Variants in TMEM30A observed in about 807,000 individuals in gnomAD.
TMEM30A encodes cell division cycle 50 P4-ATPase accessory subunit A, also known as cell cycle control protein 50A.
TMEM30A carries 24 observed loss-of-function variants against 38.2 expected under a neutral mutation model. The observed-to-expected ratio is 0.63, with a 90% CI of 0.46 to 0.88. TMEM30A has a LOEUF of 0.88. TMEM30A is among the 40% of genes least tolerant of loss of function. The pLI, the probability that TMEM30A is intolerant of heterozygous loss-of-function variation, is 0.00. For missense variants in TMEM30A, 370 were observed against 458.6 expected (o/e 0.81, Z 1.77); for synonymous variants, 145 against 161.6 (o/e 0.90, Z 0.78).
chr6:75,259,037 T>C, intron 5 of TMEM30A, 51 bp from the exon 6 acceptor site: 1 of 1,482,456 alleles, frequency 6.7e-7, no homozygotes, highest in Non-Finnish European at 9.3e-7. Context: ...CATTGTGAAA[T>C]TAAAGTGGCG....
At chr6:75,279,827 A>T (rs924501424) in intron 1 of TMEM30A, among the ~76,000 whole-genome samples, 3 of 152,234 alleles carry the variant, frequency 2.0e-5, no homozygotes, top group Admixed American at 2.0e-4. Context: ...TAGGAAAACG[A>T]CTGGAAAACT....
intron 3 of TMEM30A, among the ~76,000 whole-genome samples, chr6:75,264,383 C>T (rs1772026703): frequency 2.0e-5 from 3 of 152,168 alleles, no homozygotes; most frequent in Admixed American, 6.5e-5. Context: ...AGCCTGTAAT[C>T]CCAGCACTTT....
intron 3 of TMEM30A, among the ~76,000 whole-genome samples, chr6:75,262,471 C>T (rs1031539653): frequency 2.6e-5 from 4 of 152,040 alleles, no homozygotes; most frequent in Admixed American, 2.0e-4. Flanking sequence ...GGTGAAACCA[C>T]GTCTCTACTA....
At position 75,259,357 on chromosome 6, in the gene TMEM30A, T is replaced by C; in HGVS notation, c.675A>G (p.Glu225=). The change falls in exon 5 of 7, where the codon GAA becomes GAG. Residue 225 remains glutamate (E), a synonymous_variant. Transcript: ENST00000230461. The stretch of plus-strand genomic sequence containing the variant: ...TTAGTAATGTTTTACCTTTAAATCG[T>C]TCTTCCAGGTTGTCTCCTCCAGGGG... ...RNPPGGDNLE[E]RFKGTTKPVN... 6.2e-7 allele frequency: 1 copy of C among 1,610,868 alleles called. No individual in the cohort carries two copies.
chr6:75,263,302 G>A (rs905291615), intron 3 of TMEM30A, among the ~76,000 whole-genome samples: 14 of 152,294 alleles, frequency 9.2e-5, no homozygotes, highest in African/African-American at 3.1e-4. Context: ...AGAGGATTAC[G>A]CATAGCTCAG....
chr6:75,267,990 T>C (rs910629599), intron 1 of TMEM30A, among the ~76,000 whole-genome samples: 2 of 152,188 alleles, frequency 1.3e-5, no homozygotes, highest in Non-Finnish European at 2.9e-5. Context: ...CAAAGAAATA[T>C]ATTTATGCAT....
At chr6:75,256,893 G>T in intron 6 of TMEM30A, 1 of 384,566 alleles carries the variant, frequency 2.6e-6, no homozygotes, top group Admixed American at 3.1e-5. Context: ...TTAGGAAACA[G>T]GGCACCAGTG....
At chr6:75,264,387 G>A (rs1335347853) in intron 3 of TMEM30A, among the ~76,000 whole-genome samples, 3 of 152,136 alleles carry the variant, frequency 2.0e-5, no homozygotes, top group African/African-American at 4.8e-5. Context: ...TGTAATCCCA[G>A]CACTTTGGAA....
chr6:75,265,121 C>T, intron 3 of TMEM30A, 110 bp downstream of exon 3: 1 of 700,808 alleles, frequency 1.4e-6, no homozygotes, highest in Non-Finnish European at 2.2e-6. Flanking sequence ...CCTCACTATA[C>T]AAACTATAAA....
intron 6 of TMEM30A, among the ~76,000 whole-genome samples, chr6:75,256,553 A>G (rs418485): frequency 0.92 from 139,322 of 152,052 alleles, 64,050 homozygotes; most frequent in East Asian, 0.98. Flanking sequence ...GTAGTTTCTC[A>G]GGTGCTTTTG....
chr6:75,277,801 G>A (rs1465417956), intron 1 of TMEM30A, among the ~76,000 whole-genome samples: 1 of 152,194 alleles, frequency 6.6e-6, no homozygotes, highest in Non-Finnish European at 1.5e-5. Context: ...AGTTACTCAA[G>A]AGGCTGAGGT....
intron 1 of TMEM30A, among the ~76,000 whole-genome samples, chr6:75,282,520 A>C (rs528016419): frequency 6.6e-6 from 1 of 152,194 alleles, no homozygotes; most frequent in South Asian, 2.1e-4. Context: ...TATCTTAAGA[A>C]GTTTAAATAA....
chr6:75,276,513 G>A (rs751371924), intron 1 of TMEM30A, among the ~76,000 whole-genome samples: 2 of 152,016 alleles, frequency 1.3e-5, no homozygotes, highest in Non-Finnish European at 2.9e-5. Flanking sequence ...GCTGTGTGCT[G>A]GAGAATCTGG....
chr6:75,267,718 G>A lies in TMEM30A; in HGVS notation c.268C>T (p.Pro90Ser). The A allele has an allele frequency of 1.2e-6, 2 of 1,610,634 alleles. No homozygotes were observed. Among genetic ancestry groups the A allele is most frequent in the Non-Finnish European group, 1.7e-6 (2 of 1,178,512 alleles). Residue 90 changes from proline (P) to serine (S), a missense_variant, in exon 2 of 7, where the codon CCC becomes TCC. By Grantham distance (74) the Pro-to-Ser change is moderately conservative. Transcript: ENST00000230461. ...IDYTGTEPSS[P>S]CNKCLSPDVT... ...TCCGGAGATAAACATTTATTACAGG[G>A]ACTGGAAGGCTCTGTTCCGGTATAA...
intron 3 of TMEM30A, among the ~76,000 whole-genome samples, chr6:75,263,083 T>C (rs1772000513): frequency 6.6e-6 from 1 of 152,196 alleles, no homozygotes. Context: ...CTTTAGAATC[T>C]ATGGTAATGA....
intron 1 of TMEM30A, among the ~76,000 whole-genome samples, chr6:75,275,341 T>G (rs980335294): frequency 5.9e-5 from 9 of 152,332 alleles, no homozygotes; most frequent in East Asian, 5.8e-4. Context: ...CCTCAAAATA[T>G]GTAACTCTAG....
At chr6:75,272,909 A>C (rs963429418) in intron 1 of TMEM30A, 4 of 152,228 alleles carry the variant, frequency 2.6e-5, no homozygotes, top group Non-Finnish European at 5.9e-5. Context: ...GTAAAGGTAC[A>C]AGAGCTAGAC....
chr6:75,256,149 T>G lies in TMEM30A; in HGVS notation c.1039A>C (p.Asn347His). ...TTACTACTGTTTCTATATTTATGAT[T>G]AATTACTAGCAGTACAACTCCCAGA... is the stretch of plus-strand genomic sequence containing the variant. ...FLLGVVLLVINHKYRNSSNTA... is the reference protein window; with the variant it reads ...FLLGVVLLVIHHKYRNSSNTA... The change falls in exon 7 of 7, where the codon AAT becomes CAT. Residue 347 changes from asparagine to histidine, a missense_variant. Coordinates refer to ENST00000230461, the MANE Select transcript of TMEM30A (RefSeq NM_018247.4). 6.2e-7 allele frequency: 1 copy of G among 1,612,572 alleles called. No homozygotes were observed. Among genetic ancestry groups the G allele is most frequent in the South Asian group, 1.1e-5 (1 of 90,966 alleles).
intron 1 of TMEM30A, among the ~76,000 whole-genome samples, chr6:75,276,101 G>A (rs1013222692): frequency 1.1e-4 from 16 of 152,192 alleles, no homozygotes; most frequent in Admixed American, 9.2e-4. Flanking sequence ...GGTTCAGAGA[G>A]CTTCCAGATA....
Sources: gnomAD v4.1 joint callset for allele counts (sites outside exome capture counted in the v4.1 genomes callset) on GRCh38, gnomAD v4.1.1 for gene constraint, MANE v1.5 for transcripts, NCBI Gene and HGNC (gene_info 2026-07-23, HGNC 2026-07-21) for gene names.